Variants in HK1 observed in about 807,000 individuals in gnomAD.
The protein encoded by HK1 is hexokinase-1.
HK1 carries 28 observed loss-of-function variants against 91.6 expected under a neutral mutation model. The observed-to-expected ratio is 0.31, with a 90% CI of 0.23 to 0.42. HK1 has a LOEUF of 0.42. HK1 is among the 10% of genes least tolerant of loss of function. The probability of loss-of-function intolerance (pLI) is 1.00; values close to 1 mark genes in which losing one functional copy is unlikely to be tolerated. For synonymous variants in HK1, 430 were observed against 468.1 expected, an observed-to-expected ratio of 0.92 and a Z score of 1.05; for missense variants, 770 against 1,219.8, an observed-to-expected ratio of 0.63 and a Z score of 5.49.
At chr10:69,310,667 C>A (rs148642690) in intron 5 of HK1, among the ~76,000 whole-genome samples, 222 of 152,282 alleles carry the variant, frequency 1.5e-3, no homozygotes, top group African/African-American at 5.1e-3. Context: ...CATGACACAG[C>A]CCTCAGGAGA....
chr10:69,319,074 CGCCTCCGCT>C (rs1409114473), intron 1 of HK1, 64 bp downstream of exon 1: 1 of 1,535,710 alleles, frequency 6.5e-7, no homozygotes. Context: ...ATCCGCTCGC[CGCCTCCGCT>C]GCCTCCATCC....
At chr10:69,359,693 CTG>C (rs1849317105) in intron 2 of HK1, among the ~76,000 whole-genome samples, 1 of 152,186 alleles carries the variant, frequency 6.6e-6, no homozygotes, top group Non-Finnish European at 1.5e-5. Flanking sequence ...TCTAAGGACT[CTG>C]GGGTAGGATA....
At chr10:69,277,377 G>A (rs12357729) in intron 1 of HK1, among the ~76,000 whole-genome samples, 18,269 of 152,120 alleles carry the variant, frequency 0.12, 1,454 homozygotes, top group Middle Eastern at 0.19. Flanking sequence ...AGACCAGCCT[G>A]GGCAAAATGT....
chr10:69,335,458 C>T (rs550366137), intron 1 of HK1, among the ~76,000 whole-genome samples: 8 of 152,158 alleles, frequency 5.3e-5, no homozygotes, highest in Admixed American at 5.2e-4. Flanking sequence ...GGAGCTGTGG[C>T]GGTGATAGCC....
At chr10:69,328,668 C>T (rs377679409) in intron 1 of HK1, among the ~76,000 whole-genome samples, 27 of 152,232 alleles carry the variant, frequency 1.8e-4, no homozygotes, top group African/African-American at 6.0e-4. Context: ...TACCATGAAA[C>T]GCATCATTGT....
At chr10:69,327,695 G>A (rs1847463101) in intron 1 of HK1, among the ~76,000 whole-genome samples, 1 of 152,240 alleles carries the variant, frequency 6.6e-6, no homozygotes, top group Non-Finnish European at 1.5e-5. Context: ...TCGGAAGTAT[G>A]TGCAGGTTGC....
chr10:69,354,682 C>T (rs962040301), intron 2 of HK1, among the ~76,000 whole-genome samples: 9 of 152,068 alleles, frequency 5.9e-5, no homozygotes, highest in African/African-American at 2.2e-4. Context: ...GTCCCTGTGA[C>T]CAGGCAGCTA....
At chr10:69,348,766 C>T (rs1250888950) in intron 2 of HK1, among the ~76,000 whole-genome samples, 6 of 151,570 alleles carry the variant, frequency 4.0e-5, no homozygotes, top group African/African-American at 1.2e-4. Flanking sequence ...GCTGAGATCA[C>T]GCCACTGCAC....
At chr10:69,384,937 T>A in intron 12 of HK1, 22 bp downstream of exon 12, 1 of 1,614,036 alleles carries the variant, frequency 6.2e-7, no homozygotes, top group Non-Finnish European at 8.5e-7. Flanking sequence ...TTCTTAGGGC[T>A]CAGTGATCGG....
chr10:69,369,709 A>T lies in HK1; in HGVS notation c.875+85A>T. On this transcript the variant is annotated intron_variant, in intron 7 of 17. Transcript: ENST00000359426. This position sits in a 1 kb window ranked among gnomAD's most constrained non-coding sequence, Gnocchi z 4.4. ...ATTTGGGATGGGAGATGAAAAGGGC[A>T]TAAAGCCAAGTGATCACAAACAGAA... 1 of 1,280,008 alleles carries T rather than the reference A, an allele frequency of 7.8e-7. No homozygotes were observed. Among genetic ancestry groups the T allele is most frequent in the Admixed American group, 1.9e-5 (1 of 51,338 alleles). 79.3% of individuals were successfully genotyped at this position (1,280,008 alleles called of 1,614,324 possible). A position where few individuals can be genotyped will look rare whatever the true frequency, so the allele number is the denominator to read the frequency against.
chr10:69,377,436 A>T (rs1024724728), intron 8 of HK1, among the ~76,000 whole-genome samples: 16 of 151,324 alleles, frequency 1.1e-4, no homozygotes, highest in African/African-American at 3.6e-4. Flanking sequence ...TCGAGCAAGG[A>T]GCAAGGAGCT....
chr10:69,319,071 C>T lies in HK1; in HGVS notation c.63+61C>T. ...GCAGCCTTGCGTTCCGGCATCCGCTCGCCGCCTCCGCTGCCTCCATCCTCC... is the reference window on the plus strand; with the variant it reads ...GCAGCCTTGCGTTCCGGCATCCGCTTGCCGCCTCCGCTGCCTCCATCCTCC... On this transcript the variant is annotated intron_variant, in intron 1 of 17. Coordinates refer to ENST00000359426, the MANE Select transcript of HK1 (RefSeq NM_000188.3). The T allele has an allele frequency of 4.5e-6, 7 of 1,539,158 alleles. No homozygotes were observed. The East Asian group carries it at 9.7e-5, about 21-fold the overall frequency.
chr10:69,347,007 T>C (rs1389957025), intron 2 of HK1, among the ~76,000 whole-genome samples: 1 of 151,884 alleles, frequency 6.6e-6, no homozygotes, highest in African/African-American at 2.4e-5. Flanking sequence ...AGTATCCCGG[T>C]GGGGCCCAGA....
chr10:69,401,244 G>A lies in HK1; in HGVS notation c.*109G>A, dbSNP rs1415461918. On this transcript the variant is annotated 3_prime_UTR_variant, in exon 18 of 18. Transcript: ENST00000359426. Reference sequence around the variant, plus strand: ...GGAGACGCTGGCGCCAGGGCCTGCCGGCGCGGGGAGGAAAGCAAAATCCAA... The same window carrying A: ...GGAGACGCTGGCGCCAGGGCCTGCCAGCGCGGGGAGGAAAGCAAAATCCAA... 21 of 1,329,280 alleles carry A rather than the reference G, an allele frequency of 1.6e-5. No homozygotes were observed. The East Asian group carries it at 2.0e-4, about 13-fold the overall frequency. 82.3% of individuals were successfully genotyped at this position (1,329,280 alleles called of 1,614,324 possible).
chr10:69,334,436 C>T (rs918177402), intron 1 of HK1, among the ~76,000 whole-genome samples: 3 of 152,152 alleles, frequency 2.0e-5, no homozygotes, highest in Non-Finnish European at 4.4e-5. Context: ...CCCTCTGTCC[C>T]TCTGGGCCTC....
At chr10:69,374,148 C>G (rs995085684) in intron 7 of HK1, among the ~76,000 whole-genome samples, 1 of 152,214 alleles carries the variant, frequency 6.6e-6, no homozygotes, top group Admixed American at 6.5e-5. Context: ...TTCTGTGGTT[C>G]TGCTGCTCCA....
intron 15 of HK1, among the ~76,000 whole-genome samples, chr10:69,393,267 C>T (rs1330700120): frequency 6.6e-6 from 1 of 152,040 alleles, no homozygotes; most frequent in African/African-American, 2.4e-5. Context: ...AGGTGTGAGC[C>T]ACCGCAACCA....
At chr10:69,343,554 G>C (rs1037470847) in intron 1 of HK1, among the ~76,000 whole-genome samples, 6 of 152,194 alleles carry the variant, frequency 3.9e-5, no homozygotes, top group Non-Finnish European at 7.3e-5. Context: ...AAGTACTTGG[G>C]GGTTGAAGAG....
chr10:69,299,787 A>C (rs1307238818), intron 4 of HK1, among the ~76,000 whole-genome samples: 1 of 150,800 alleles, frequency 6.6e-6, no homozygotes, highest in African/African-American at 2.5e-5. Flanking sequence ...TCAGCCTCCC[A>C]AGTAGCTGGG....
Sources: allele counts gnomAD v4.1 joint callset (sites outside exome capture counted in the v4.1 genomes callset), GRCh38; gene constraint gnomAD v4.1.1; non-coding constraint Gnocchi (gnomAD v3.1); transcripts MANE v1.5; gene names NCBI Gene and HGNC (gene_info 2026-07-23, HGNC 2026-07-21).